The following IMMP2L variants were observed in gnomAD, a reference collection of about 807,000 sequenced individuals.
IMMP2L encodes mitochondrial inner membrane protease subunit 2.
IMMP2L carries 18 observed loss-of-function variants against 19.3 expected under a neutral mutation model. The observed-to-expected ratio is 0.93, with a 90% CI of 0.64 to 1.38. The LOEUF (loss-of-function observed/expected upper bound fraction) is 1.38, where lower values mean the gene tolerates loss of function less well. IMMP2L is among the 40% of genes most tolerant of loss of function. The pLI is 0.00. For synonymous variants in IMMP2L, 76 were observed against 73.0 expected, an observed-to-expected ratio of 1.04 and a Z score of -0.21; for missense variants, 233 against 218.2, an observed-to-expected ratio of 1.07 and a Z score of -0.43.
chr7:110,703,730 T>C (rs1794448125), intron 5 of IMMP2L, among the ~76,000 whole-genome samples: 1 of 152,174 alleles, frequency 6.6e-6, no homozygotes, highest in African/African-American at 2.4e-5. Flanking sequence ...CTCTGTGTGA[T>C]GAAGAATACT....
intron 3 of IMMP2L, among the ~76,000 whole-genome samples, chr7:111,016,808 AC>A (rs549462028): frequency 0.24 from 20,502 of 85,436 alleles, 3,149 homozygotes; most frequent in East Asian, 0.58. Context: ...TATAATATAT[AC>A]TATATATTAT....
chr7:111,049,154 G>A (rs1284712169), intron 3 of IMMP2L, among the ~76,000 whole-genome samples: 4 of 114,312 alleles, frequency 3.5e-5, no homozygotes, highest in Admixed American at 1.4e-4. Context: ...TTTTTGGGAC[G>A]GAGTCTCGCT....
chr7:111,204,277 C>T (rs1046136276), intron 3 of IMMP2L, among the ~76,000 whole-genome samples: 1 of 152,054 alleles, frequency 6.6e-6, no homozygotes, highest in African/African-American at 2.4e-5. Context: ...CTTTAAAATG[C>T]AATTTGGGAT....
chr7:110,767,091 G>A (rs1244605508), intron 5 of IMMP2L, among the ~76,000 whole-genome samples: 1 of 152,072 alleles, frequency 6.6e-6, no homozygotes, highest in African/African-American at 2.4e-5. Context: ...TGTTTTTCTT[G>A]TTCTAGTATT....
At chr7:111,127,134 T>C (rs978659221) in intron 3 of IMMP2L, among the ~76,000 whole-genome samples, 7 of 152,220 alleles carry the variant, frequency 4.6e-5, no homozygotes, top group African/African-American at 1.7e-4. Context: ...ACACAAATTT[T>C]ACAACCCGAT....
At chr7:111,182,144 G>T (rs572273850) in intron 3 of IMMP2L, among the ~76,000 whole-genome samples, 12 of 151,998 alleles carry the variant, frequency 7.9e-5, no homozygotes, top group Non-Finnish European at 1.5e-4. Context: ...TTTCTTCCTA[G>T]TGCCATTCTT....
chr7:111,461,016 A>T (rs911915303), intron 3 of IMMP2L, among the ~76,000 whole-genome samples: 5 of 145,596 alleles, frequency 3.4e-5, no homozygotes, highest in African/African-American at 1.3e-4. Context: ...ATCTTTTTCC[A>T]TGTTACCATA....
chr7:111,103,102 G>A (rs1477316063), intron 3 of IMMP2L, among the ~76,000 whole-genome samples: 1 of 151,516 alleles, frequency 6.6e-6, no homozygotes, highest in African/African-American at 2.4e-5. Context: ...TTTTGCGTGA[G>A]TACTAATGAA....
At chr7:111,472,555 T>C (rs1288003956) in intron 3 of IMMP2L, among the ~76,000 whole-genome samples, 1 of 152,150 alleles carries the variant, frequency 6.6e-6, no homozygotes, top group Non-Finnish European at 1.5e-5. Context: ...TCACCAATAA[T>C]TGTAACCAAC....
At chr7:111,218,008 T>C (rs1562938016) in intron 3 of IMMP2L, among the ~76,000 whole-genome samples, 1 of 152,046 alleles carries the variant, frequency 6.6e-6, no homozygotes, top group East Asian at 1.9e-4. Context: ...CTACGGAAAA[T>C]GCTATTGCCT....
chr7:111,168,937 A>G (rs1806132636), intron 3 of IMMP2L, among the ~76,000 whole-genome samples: 1 of 151,852 alleles, frequency 6.6e-6, no homozygotes, highest in Non-Finnish European at 1.5e-5. Flanking sequence ...CTGGAGGCCC[A>G]AAAACAAGGT....
intron 5 of IMMP2L, among the ~76,000 whole-genome samples, chr7:110,856,222 A>C (rs1445323496): frequency 6.6e-6 from 1 of 152,040 alleles, no homozygotes; most frequent in Non-Finnish European, 1.5e-5. Flanking sequence ...TGTTAAAGTA[A>C]GGTTGAAAGG....
At chr7:111,186,961 T>C (rs1399042094) in intron 3 of IMMP2L, among the ~76,000 whole-genome samples, 2 of 152,034 alleles carry the variant, frequency 1.3e-5, no homozygotes, top group Admixed American at 1.3e-4. Flanking sequence ...AAAGTTTTAA[T>C]ACCTTTTTGT....
chr7:110,865,217 G>A (rs1807863415), intron 5 of IMMP2L, among the ~76,000 whole-genome samples: 2 of 151,930 alleles, frequency 1.3e-5, no homozygotes, highest in East Asian at 1.9e-4. Context: ...TTCATTCATT[G>A]TTGGGTTTAA....
chr7:110,992,936 A>AT (rs1057205979), intron 3 of IMMP2L, among the ~76,000 whole-genome samples: 2 of 152,096 alleles, frequency 1.3e-5, no homozygotes, highest in African/African-American at 4.8e-5. Flanking sequence ...GAAAAAGATC[A>AT]TTTTTTTAGT....
chr7:111,519,139 A>AG (rs1299852428), intron 2 of IMMP2L, among the ~76,000 whole-genome samples: 2 of 152,186 alleles, frequency 1.3e-5, no homozygotes, highest in Non-Finnish European at 2.9e-5. Flanking sequence ...TCAAGGCAGT[A>AG]GGAGCAATCT....
chr7:110,912,272 A>G (rs1813139203), intron 4 of IMMP2L, among the ~76,000 whole-genome samples: 1 of 152,164 alleles, frequency 6.6e-6, no homozygotes, highest in Admixed American at 6.6e-5. Flanking sequence ...CAGCAAAAAT[A>G]ATTGCAAAAC....
chr7:111,530,188 G>A lies in IMMP2L; in HGVS notation c.-2-8739C>T, dbSNP rs545769739. On this transcript the variant is annotated intron_variant, in intron 1 of 5. Coordinates refer to ENST00000405709, the MANE Select transcript of IMMP2L (RefSeq NM_032549.4). Reference sequence around the variant, plus strand: ...ATTTTTCATCTGTGAAACCTTGCAGGGTTTCCAGAGGTTCAAAATGTTCAT... The same window carrying A: ...ATTTTTCATCTGTGAAACCTTGCAGAGTTTCCAGAGGTTCAAAATGTTCAT... Among the ~76,000 whole-genome samples, 4 of 150,662 alleles carry A rather than the reference G, an allele frequency of 2.7e-5. No individual in the cohort carries two copies. The South Asian group carries it at 8.3e-4, about 31-fold the overall frequency.
intron 3 of IMMP2L, among the ~76,000 whole-genome samples, chr7:111,109,657 C>G (rs1798961503): frequency 6.6e-6 from 1 of 152,154 alleles, no homozygotes; most frequent in Admixed American, 6.6e-5. Flanking sequence ...GAGTTATCAC[C>G]TGTAAAGTGG....
Sources: gnomAD v4.1 joint callset for allele counts (sites outside exome capture counted in the v4.1 genomes callset) on GRCh38, gnomAD v4.1.1 for gene constraint, MANE v1.5 for transcripts, NCBI Gene and HGNC (gene_info 2026-07-23, HGNC 2026-07-21) for gene names.